Variants in NPSR1 observed in about 807,000 individuals in gnomAD.
NPSR1 encodes neuropeptide S receptor.
NPSR1 carries 48 observed loss-of-function variants against 46.9 expected under a neutral mutation model. That is an observed-to-expected ratio of 1.02 (90% CI 0.81 to 1.30). The LOEUF (loss-of-function observed/expected upper bound fraction) is 1.30. NPSR1 is among the 50% of genes most tolerant of loss of function. NPSR1 has a pLI of 0.00. For synonymous variants in NPSR1, 176 were observed against 168.1 expected, an observed-to-expected ratio of 1.05 and a Z score of -0.36; for missense variants, 450 against 449.5, an observed-to-expected ratio of 1.00 and a Z score of -0.01.
chr7:34,765,615 C>G (rs921324216), intron 2 of NPSR1, among the ~76,000 whole-genome samples: 1 of 152,146 alleles, frequency 6.6e-6, no homozygotes, highest in African/African-American at 2.4e-5. Flanking sequence ...GACGCATGCA[C>G]TCATATATTC....
At chr7:34,829,892 G>C (rs1241454069) in intron 5 of NPSR1, among the ~76,000 whole-genome samples, 1 of 152,232 alleles carries the variant, frequency 6.6e-6, no homozygotes, top group Non-Finnish European at 1.5e-5. Flanking sequence ...TCCAGCCCGT[G>C]ACGGTCATGA....
At chr7:34,755,906 G>A (rs1054712108) in intron 2 of NPSR1, among the ~76,000 whole-genome samples, 66 of 152,256 alleles carry the variant, frequency 4.3e-4, no homozygotes, top group African/African-American at 1.6e-3. Context: ...AAAGCCATAG[G>A]TATTCTCATT....
At position 34,738,563 on chromosome 7, in the gene NPSR1, GCTT is replaced by G. The variant is rs993941532; in HGVS notation, c.281-39895_281-39893del. ...TTTTACATCAAATAGTTTGTTTTTGGCTTCTTTTTTTTCTTGTAATTTATATCA... is the reference window on the plus strand; with the variant it reads ...TTTTACATCAAATAGTTTGTTTTTGGCTTTTTTTTCTTGTAATTTATATCA... On this transcript the variant is annotated intron_variant, in intron 2 of 8. Coordinates refer to ENST00000360581, the MANE Select transcript of NPSR1 (RefSeq NM_207172.2). 2.4e-4 allele frequency among the ~76,000 whole-genome samples: 36 copies of G among 151,914 alleles called. 1 individual carries two copies. The highest frequency in any genetic ancestry group is 7.4e-5 in the Non-Finnish European group (5 of 67,920).
At chr7:34,776,851 A>G (rs1030677310) in intron 2 of NPSR1, among the ~76,000 whole-genome samples, 1 of 152,192 alleles carries the variant, frequency 6.6e-6, no homozygotes, top group African/African-American at 2.4e-5. Context: ...ATGTCTAGAA[A>G]TGCCATCCAG....
At chr7:34,741,054 A>G (rs1462986654) in intron 2 of NPSR1, among the ~76,000 whole-genome samples, 1 of 152,170 alleles carries the variant, frequency 6.6e-6, no homozygotes, top group South Asian at 2.1e-4. Context: ...CCTACTGTCA[A>G]TCTTATGGAG....
intron 3 of NPSR1, among the ~76,000 whole-genome samples, chr7:34,808,403 A>C (rs1348637522): frequency 6.6e-6 from 1 of 152,234 alleles, no homozygotes; most frequent in Non-Finnish European, 1.5e-5. Flanking sequence ...GCTTTAATAT[A>C]TCTCTATCAA....
intron 6 of NPSR1, among the ~76,000 whole-genome samples, chr7:34,844,019 C>A (rs1361434504): frequency 6.6e-6 from 1 of 152,216 alleles, no homozygotes; most frequent in Non-Finnish European, 1.5e-5. Flanking sequence ...GCCCCTTTTC[C>A]AAAACTTCAC....
At chr7:34,854,768 ATGATCTGGATAATT>A (rs1159130995), downstream of NPSR1, among the ~76,000 whole-genome samples, 2 of 152,210 alleles carry the variant, frequency 1.3e-5, no homozygotes, top group African/African-American at 4.8e-5. Flanking sequence ...AAAATCAGGA[ATGATCTGGATAATT>A]TGAGCAACAT....
intron 2 of NPSR1, among the ~76,000 whole-genome samples, chr7:34,761,348 T>C (rs886535346): frequency 6.0e-4 from 91 of 152,142 alleles, no homozygotes; most frequent in African/African-American, 2.0e-3. Context: ...TTGGTAGAGG[T>C]TGTACCAAGA....
At chr7:34,753,261 G>A (rs2128725058) in intron 2 of NPSR1, among the ~76,000 whole-genome samples, 1 of 152,284 alleles carries the variant, frequency 6.6e-6, no homozygotes, top group Admixed American at 6.5e-5. Flanking sequence ...AGGAATAAAA[G>A]CCCAGAAATA....
intron 6 of NPSR1, among the ~76,000 whole-genome samples, chr7:34,842,000 T>C (rs1311054257): frequency 6.6e-6 from 1 of 152,234 alleles, no homozygotes; most frequent in Non-Finnish European, 1.5e-5. Context: ...CCTTGTATAA[T>C]AGACAATCAA....
At chr7:34,877,621 G>A (rs559678147) in intron 8 of NPSR1, among the ~76,000 whole-genome samples, 1 of 152,342 alleles carries the variant, frequency 6.6e-6, no homozygotes, top group Non-Finnish European at 1.5e-5. Flanking sequence ...CAGAGGCAGA[G>A]GGGTCAGTTG....
At chr7:34,686,679 G>T (rs1473762424) in intron 2 of NPSR1, among the ~76,000 whole-genome samples, 1 of 151,822 alleles carries the variant, frequency 6.6e-6, no homozygotes, top group Non-Finnish European at 1.5e-5. Context: ...ATCTTTCTGA[G>T]CTCCTCTTTT....
chr7:34,719,811 A>G (rs1349839009), intron 2 of NPSR1: 2 of 152,126 alleles, frequency 1.3e-5, no homozygotes, highest in Non-Finnish European at 2.9e-5. Context: ...TCTCACTTCT[A>G]GAAGATGGGA....
chr7:34,836,495 C>T (rs1045805216), intron 6 of NPSR1, among the ~76,000 whole-genome samples: 5 of 151,944 alleles, frequency 3.3e-5, no homozygotes, highest in Non-Finnish European at 5.9e-5. Flanking sequence ...GACAACTGCC[C>T]ATATGGAAAC....
rs773906121 is a variant in NPSR1 at position 34,684,682 on chromosome 7, C to T, written c.278C>T (p.Thr93Ile). Residue 93 changes from threonine to isoleucine, a missense_variant and splice_region_variant, in exon 2 of 9, where the codon ACA becomes ATA. Coordinates refer to ENST00000360581, the MANE Select transcript of NPSR1 (RefSeq NM_207172.2). ...TTCTTTGTGACTCAGCTGGCCATCA[C>T]AGGTAAGTAACTATGCAAGTGAGAG... Reference protein sequence around the residue: ...MTFFVTQLAITDSFTGLVNIL... With the variant: ...MTFFVTQLAIIDSFTGLVNIL... 1.2e-6 allele frequency: 2 copies of T among 1,610,336 alleles called. No individual in the cohort carries two copies. The highest frequency in any genetic ancestry group is 3.4e-5 in the Admixed American group (2 of 59,356).
intron 3 of NPSR1, among the ~76,000 whole-genome samples, chr7:34,811,167 A>C (rs1371925213): frequency 6.6e-6 from 1 of 152,154 alleles, no homozygotes; most frequent in African/African-American, 2.4e-5. Flanking sequence ...GTCCTCGTCC[A>C]TAGGCCAGGA....
intron 6 of NPSR1, among the ~76,000 whole-genome samples, chr7:34,838,241 A>C (rs893034954): frequency 3.9e-5 from 6 of 152,154 alleles, no homozygotes; most frequent in African/African-American, 1.4e-4. Flanking sequence ...CCAGTCCTTG[A>C]AACTGTACAA....
intron 4 of NPSR1, among the ~76,000 whole-genome samples, chr7:34,821,870 C>T (rs1477464195): frequency 1.3e-5 from 2 of 152,172 alleles, no homozygotes; most frequent in African/African-American, 4.8e-5. Context: ...TCATCAGTAG[C>T]TTCTGGGAAA....
Sources: allele counts gnomAD v4.1 joint callset (sites outside exome capture counted in the v4.1 genomes callset), GRCh38; gene constraint gnomAD v4.1.1; transcripts MANE v1.5; gene names NCBI Gene and HGNC (gene_info 2026-07-23, HGNC 2026-07-21).